The following CSMD1 variants were observed in gnomAD, a reference collection of about 807,000 sequenced individuals.
CSMD1 encodes the protein CUB and sushi domain-containing protein 1.
CSMD1 carries 213 observed loss-of-function variants against 417.5 expected under a neutral mutation model. That is an observed-to-expected ratio of 0.51 (90% confidence interval 0.46 to 0.57). The LOEUF is 0.57. Ranked by LOEUF, CSMD1 falls within the 20% of genes least tolerant of loss-of-function variation. The probability of loss-of-function intolerance (pLI) is 0.00; values close to 1 mark genes in which losing one functional copy is unlikely to be tolerated. For missense variants in CSMD1, 6,923 were observed against 4,529.7 expected, an observed-to-expected ratio of 1.53 and a Z score of -15.17; for synonymous variants, 2,862 against 1,736.8, an observed-to-expected ratio of 1.65 and a Z score of -16.11.
rs549120444 is a variant in CSMD1, at chr8:3,359,611, G to A, written c.3116-271C>T. On this transcript the variant is annotated intron_variant, in intron 20 of 69. Transcript: ENST00000635120. ...AGGCTGGGAAGGGGGTGTATGGAGG[G>A]AAGGATAAAGTGATGTTGGTCAATG... is the stretch of plus-strand genomic sequence containing the variant. Among the ~76,000 whole-genome samples, 21 of 151,822 alleles carry A rather than the reference G, an allele frequency of 1.4e-4. No individual in the cohort carries two copies. The East Asian group carries it at 3.1e-3, about 22-fold the overall frequency.
chr8:3,396,477 ACGT>A, intron 16 of CSMD1, 96 bp from the exon 17 acceptor site: 1 of 774,884 alleles, frequency 1.3e-6, no homozygotes, highest in Non-Finnish European at 2.0e-6. Context: ...AAACCCATGT[ACGT>A]TAACATGAAG....
intron 7 of CSMD1, among the ~76,000 whole-genome samples, chr8:3,639,989 T>C (rs34833774): frequency 0.49 from 74,606 of 151,752 alleles, 18,519 homozygotes; most frequent in Middle Eastern, 0.64. Context: ...CTAATAGTGG[T>C]TGGGATATAG....
chr8:3,505,486 A>T lies in CSMD1; in HGVS notation c.1345-11760T>A, dbSNP rs544960737. ...ACTGATTAAAGAGTTGAGAAGGAAG[A>T]TAAAAGTGCTTCATTATGGCCCCTG... On this transcript the variant is annotated intron_variant, in intron 10 of 69. Transcript: ENST00000635120. Among the ~76,000 whole-genome samples the T allele has an allele frequency of 2.6e-5, 4 of 152,330 alleles. No individual in the cohort carries two copies. The East Asian group carries it at 7.7e-4, about 29-fold the overall frequency.
At chr8:4,803,497 T>C (rs1269305080) in intron 1 of CSMD1, among the ~76,000 whole-genome samples, 1 of 152,188 alleles carries the variant, frequency 6.6e-6, no homozygotes, top group Non-Finnish European at 1.5e-5. Flanking sequence ...GGTTGGAATC[T>C]GCCCGACATT....
intron 5 of CSMD1, among the ~76,000 whole-genome samples, chr8:3,768,802 G>A (rs952237258): frequency 6.6e-6 from 1 of 152,174 alleles, no homozygotes; most frequent in South Asian, 2.1e-4. Flanking sequence ...AGTTTTGCTG[G>A]TAACTTGCTA....
At chr8:4,307,606 C>T (rs1351889121) in intron 3 of CSMD1, among the ~76,000 whole-genome samples, 2 of 152,140 alleles carry the variant, frequency 1.3e-5, no homozygotes, top group Non-Finnish European at 2.9e-5. Context: ...ACCCACCCAA[C>T]TTGTGAAATA....
intron 44 of CSMD1, 58 bp from the exon 45 acceptor site, chr8:3,107,856 A>T: frequency 1.0e-5 from 11 of 1,072,770 alleles, no homozygotes; most frequent in Non-Finnish European, 1.5e-5. Flanking sequence ...GAATAAACAC[A>T]ACTATTACAA....
chr8:3,487,211 T>TTATA lies in CSMD1; in HGVS notation c.1448+6411_1448+6412insTATA, dbSNP rs530228719. ...ATTATCAGCATACTTTTTTATTTATTTAGTTTTTGAGACAGAGTCTAGCTC... is the reference window on the plus strand; with the variant it reads ...ATTATCAGCATACTTTTTTATTTATTTATATAGTTTTTGAGACAGAGTCTAGCTC... On this transcript the variant is annotated intron_variant, in intron 11 of 69. Transcript: ENST00000635120. Among the ~76,000 whole-genome samples, 606 of 86,092 alleles carry TTATA rather than the reference T, an allele frequency of 7.0e-3. 2 individuals are homozygous for TTATA. Among genetic ancestry groups the TTATA allele is most frequent in the African/African-American group, 0.027 (578 of 21,134 alleles). 56.5% of individuals were successfully genotyped at this position (86,092 alleles called of 152,430 possible). A position where few individuals can be genotyped will look rare whatever the true frequency, so the allele number is the denominator to read the frequency against.
At chr8:3,675,191 C>G (rs951662583) in intron 7 of CSMD1, among the ~76,000 whole-genome samples, 10 of 152,186 alleles carry the variant, frequency 6.6e-5, no homozygotes, top group Admixed American at 3.9e-4. Flanking sequence ...CTCCTTTTCT[C>G]CTCACAGAAG....
At chr8:4,355,418 T>G (rs1338876367) in intron 3 of CSMD1, among the ~76,000 whole-genome samples, 1 of 151,934 alleles carries the variant, frequency 6.6e-6, no homozygotes, top group Admixed American at 6.6e-5. Flanking sequence ...AGTAGCGAAT[T>G]CAGGTATCTT....
intron 1 of CSMD1, among the ~76,000 whole-genome samples, chr8:4,857,260 C>G (rs1383617953): frequency 2.1e-5 from 3 of 146,230 alleles, no homozygotes; most frequent in South Asian, 2.4e-4. Context: ...GGGACGCATT[C>G]AAAGCAGTGT....
intron 37 of CSMD1, among the ~76,000 whole-genome samples, chr8:3,166,464 G>A (rs1046327071): frequency 5.3e-5 from 8 of 152,150 alleles, no homozygotes; most frequent in African/African-American, 1.9e-4. Context: ...AACCTGGGAA[G>A]CAGAGGTTGC....
intron 10 of CSMD1, among the ~76,000 whole-genome samples, chr8:3,527,435 G>A (rs755463437): frequency 1.3e-5 from 2 of 152,176 alleles, no homozygotes; most frequent in Non-Finnish European, 2.9e-5. Flanking sequence ...ATTAGAGGTT[G>A]CTAAAGATTA....
chr8:3,437,508 T>C (rs554636989), intron 12 of CSMD1, among the ~76,000 whole-genome samples: 1 of 152,290 alleles, frequency 6.6e-6, no homozygotes, highest in Non-Finnish European at 1.5e-5. Context: ...TGGCAGCTTC[T>C]CCAGCCCTGC....
chr8:3,306,630 A>AT (rs1190484542), intron 25 of CSMD1, among the ~76,000 whole-genome samples: 3 of 152,090 alleles, frequency 2.0e-5, no homozygotes. Flanking sequence ...TCAAAAGCAA[A>AT]TTTTGTACAG....
At chr8:3,491,360 A>G (rs1321085857) in intron 11 of CSMD1, among the ~76,000 whole-genome samples, 1 of 152,162 alleles carries the variant, frequency 6.6e-6, no homozygotes, top group African/African-American at 2.4e-5. Context: ...ATTAGACCCA[A>G]ATTCCCAGGA....
intron 2 of CSMD1, among the ~76,000 whole-genome samples, chr8:4,522,644 C>G (rs985072593): frequency 6.6e-6 from 1 of 152,090 alleles, no homozygotes; most frequent in African/African-American, 2.4e-5. Flanking sequence ...ACTATAGGTT[C>G]GGATTTTCTT....
chr8:3,603,322 T>C (rs1801451700), intron 8 of CSMD1, among the ~76,000 whole-genome samples: 1 of 152,186 alleles, frequency 6.6e-6, no homozygotes, highest in Non-Finnish European at 1.5e-5. Context: ...TTATGTTCCT[T>C]AAAATTTTTT....
chr8:3,088,416 G>C (rs944119469), intron 48 of CSMD1, among the ~76,000 whole-genome samples: 2 of 151,954 alleles, frequency 1.3e-5, no homozygotes, highest in Admixed American at 1.3e-4. Context: ...CTTCCCTCTG[G>C]GGCTTCCATA....
Sources: gnomAD v4.1 joint callset for allele counts (sites outside exome capture counted in the v4.1 genomes callset) on GRCh38, gnomAD v4.1.1 for gene constraint, MANE v1.5 for transcripts, NCBI Gene and HGNC (gene_info 2026-07-23, HGNC 2026-07-21) for gene names.